ZDHHC20: variants seen among roughly 807,000 people sequenced by gnomAD.
The protein encoded by ZDHHC20 is palmitoyltransferase ZDHHC20.
In ZDHHC20, 43 loss-of-function variants were observed where a neutral mutation model predicts 57.8. The observed-to-expected ratio is 0.74, with a 90% CI of 0.58 to 0.96. ZDHHC20 has a LOEUF of 0.96. Ranked by LOEUF, ZDHHC20 falls within the 40% of genes least tolerant of loss-of-function variation. The pLI is 0.00. For missense variants in ZDHHC20, 391 were observed against 441.1 expected (o/e 0.89, Z 1.02); for synonymous variants, 157 against 153.0 (o/e 1.03, Z -0.19).
intron 4 of ZDHHC20, among the ~76,000 whole-genome samples, chr13:21,408,046 G>T (rs1306209074): frequency 6.6e-6 from 1 of 152,166 alleles, no homozygotes; most frequent in Non-Finnish European, 1.5e-5. Context: ...TTGAGGTCAG[G>T]TAATGTGATG....
intron 5 of ZDHHC20, among the ~76,000 whole-genome samples, chr13:21,402,249 G>GT (rs1877752866): frequency 6.6e-6 from 1 of 152,062 alleles, no homozygotes; most frequent in Non-Finnish European, 1.5e-5. Context: ...TGGGCTTGGA[G>GT]ATGGTTATTT....
At chr13:21,404,796 C>A (rs1406281077) in intron 4 of ZDHHC20, among the ~76,000 whole-genome samples, 1 of 151,102 alleles carries the variant, frequency 6.6e-6, no homozygotes, top group African/African-American at 2.4e-5. Flanking sequence ...GAGTTCCCAT[C>A]TCCAAAGGGA....
intron 1 of ZDHHC20, among the ~76,000 whole-genome samples, chr13:21,456,612 T>C (rs1884951502): frequency 6.6e-6 from 1 of 152,162 alleles, no homozygotes; most frequent in Non-Finnish European, 1.5e-5. Context: ...AATGCACTTT[T>C]ATGCTCAACT....
At chr13:21,447,329 C>T (rs191737772) in intron 1 of ZDHHC20, among the ~76,000 whole-genome samples, 26 of 150,856 alleles carry the variant, frequency 1.7e-4, no homozygotes, top group African/African-American at 6.1e-4. Flanking sequence ...CCCACGGTCT[C>T]CCTCTCATGT....
intron 1 of ZDHHC20, among the ~76,000 whole-genome samples, chr13:21,435,638 G>A (rs1837068425): frequency 6.6e-6 from 1 of 152,192 alleles, no homozygotes; most frequent in South Asian, 2.1e-4. Flanking sequence ...CTTCCATACA[G>A]TAGAATTCTA....
intron 9 of ZDHHC20, among the ~76,000 whole-genome samples, chr13:21,384,402 T>C (rs1354671440): frequency 7.1e-6 from 1 of 139,918 alleles, no homozygotes; most frequent in Non-Finnish European, 1.5e-5. Context: ...ATCGCACCAC[T>C]GCACTTCAGC....
chr13:21,440,128 G>C (rs1388392549), intron 1 of ZDHHC20, among the ~76,000 whole-genome samples: 1 of 145,646 alleles, frequency 6.9e-6, no homozygotes, highest in East Asian at 2.0e-4. Context: ...GGAAATAAAG[G>C]TAAACATAGG....
intron 1 of ZDHHC20, among the ~76,000 whole-genome samples, chr13:21,444,467 C>G (rs939137155): frequency 1.3e-5 from 2 of 152,030 alleles, no homozygotes; most frequent in Admixed American, 6.6e-5. Flanking sequence ...ATGTCTCATA[C>G]TTTGATATTA....
intron 10 of ZDHHC20, 32 bp downstream of exon 10, chr13:21,382,888 A>C (rs1269129939): frequency 2.0e-6 from 3 of 1,510,712 alleles, no homozygotes; most frequent in Non-Finnish European, 2.7e-6. Context: ...CTTTATGATG[A>C]ATATAGAAAA....
At chr13:21,403,702 T>C (rs1467326972) in intron 4 of ZDHHC20, among the ~76,000 whole-genome samples, 1 of 152,200 alleles carries the variant, frequency 6.6e-6, no homozygotes, top group African/African-American at 2.4e-5. Context: ...TTTTTGTTTT[T>C]TCTGGGACGG....
intron 3 of ZDHHC20, among the ~76,000 whole-genome samples, chr13:21,415,329 A>G (rs969278805): frequency 6.6e-6 from 1 of 152,132 alleles, no homozygotes; most frequent in Non-Finnish European, 1.5e-5. Flanking sequence ...ATAGATAGTT[A>G]CTCTAACCTG....
chr13:21,385,046 GTACCTGT>G (rs1874203155), intron 9 of ZDHHC20, among the ~76,000 whole-genome samples: 1 of 152,034 alleles, frequency 6.6e-6, no homozygotes. Context: ...GATTATAAAT[GTACCTGT>G]GAATTAAAAG....
At position 21,392,321 on chromosome 13, in the gene ZDHHC20, C is replaced by T. The variant is rs115887826; in HGVS notation, c.595-467G>A. 8.0e-3 allele frequency among the ~76,000 whole-genome samples: 1,213 copies of T among 152,180 alleles called. 20 individuals are homozygous for T. The highest frequency in any genetic ancestry group is 0.028 in the African/African-American group (1,160 of 41,518). On this transcript the variant is annotated intron_variant, in intron 7 of 12. Coordinates refer to ENST00000400590, the MANE Select transcript of ZDHHC20 (RefSeq NM_001330059.2). Reference sequence around the variant, plus strand: ...CTTTATGTATATATTCAAGCTTTCTCCAACATCCGACATATATAAGCTCCC... The same window carrying T: ...CTTTATGTATATATTCAAGCTTTCTTCAACATCCGACATATATAAGCTCCC...
At chr13:21,398,716 A>G (rs1317758280) in intron 7 of ZDHHC20, among the ~76,000 whole-genome samples, 2 of 152,240 alleles carry the variant, frequency 1.3e-5, no homozygotes, top group East Asian at 3.9e-4. Context: ...CCAATCAATC[A>G]GATAAACATA....
chr13:21,449,362 G>T (rs1195641270), intron 1 of ZDHHC20, among the ~76,000 whole-genome samples: 2 of 152,160 alleles, frequency 1.3e-5, no homozygotes, highest in Non-Finnish European at 2.9e-5. Context: ...GAATGGGGTG[G>T]GAGTCTAAAA....
At chr13:21,455,433 G>A (rs1274080126) in intron 1 of ZDHHC20, among the ~76,000 whole-genome samples, 1 of 152,078 alleles carries the variant, frequency 6.6e-6, no homozygotes, top group Non-Finnish European at 1.5e-5. Flanking sequence ...AAGAGAAGAA[G>A]TTATTCAATC....
intron 7 of ZDHHC20, among the ~76,000 whole-genome samples, chr13:21,392,704 A>G (rs999912072): frequency 1.3e-5 from 2 of 152,244 alleles, no homozygotes; most frequent in Non-Finnish European, 2.9e-5. Context: ...ATATAGGCAA[A>G]GCATCTACTC....
At chr13:21,382,739 A>G (rs932081457) in intron 10 of ZDHHC20, among the ~76,000 whole-genome samples, 181 bp downstream of exon 10, 4 of 152,194 alleles carry the variant, frequency 2.6e-5, no homozygotes, top group African/African-American at 9.7e-5. Flanking sequence ...ATAATAAAAA[A>G]TTATGGTTAT....
chr13:21,456,583 G>A (rs1224356621), intron 1 of ZDHHC20, among the ~76,000 whole-genome samples: 2 of 152,114 alleles, frequency 1.3e-5, no homozygotes, highest in Admixed American at 6.6e-5. Flanking sequence ...TAGTTTAAAG[G>A]ATAGTTTTAA....
Sources: gnomAD v4.1 joint callset for allele counts (sites outside exome capture counted in the v4.1 genomes callset) on GRCh38, gnomAD v4.1.1 for gene constraint, MANE v1.5 for transcripts, NCBI Gene and HGNC (gene_info 2026-07-23, HGNC 2026-07-21) for gene names.